The following KIAA1217 variants were observed in gnomAD, a reference collection of about 807,000 sequenced individuals.
KIAA1217 encodes KIAA1217.
KIAA1217 carries 88 observed loss-of-function variants against 163.9 expected under a neutral mutation model. That is an observed-to-expected ratio of 0.54 (90% CI 0.45 to 0.64). The LOEUF (loss-of-function observed/expected upper bound fraction) is 0.64, where lower values mean the gene tolerates loss of function less well. KIAA1217 is among the 30% of genes least tolerant of loss of function. The pLI is 0.00. For missense variants in KIAA1217, 2,372 were observed against 2,475.0 expected (o/e 0.96, Z 0.88); for synonymous variants, 903 against 923.1 (o/e 0.98, Z 0.39).
At chr10:24,336,973 G>T in intron 2 of KIAA1217, among the ~76,000 whole-genome samples, 1 of 152,114 alleles carries the variant, frequency 6.6e-6, no homozygotes, top group East Asian at 1.9e-4. Flanking sequence ...AGAAAATGCA[G>T]GGCAAAAGTT....
intron 1 of KIAA1217, among the ~76,000 whole-genome samples, chr10:23,954,704 C>T (rs1181626010): frequency 1.3e-5 from 2 of 152,064 alleles, no homozygotes; most frequent in African/African-American, 2.4e-5. Flanking sequence ...AGATTATCTG[C>T]TCTATGCTGG....
intron 1 of KIAA1217, among the ~76,000 whole-genome samples, chr10:23,728,507 G>T (rs562201124): frequency 1.9e-4 from 27 of 145,844 alleles, no homozygotes; most frequent in South Asian, 6.5e-4. Context: ...CTTTTTGATG[G>T]TTTTTTTTTT....
intron 2 of KIAA1217, among the ~76,000 whole-genome samples, chr10:24,256,022 C>A (rs2075111879): frequency 7.3e-6 from 1 of 136,824 alleles, no homozygotes; most frequent in Admixed American, 8.2e-5. Flanking sequence ...CCGAGTGCTG[C>A]CGATTAACTC....
chr10:24,219,967 A>C, intron 2 of KIAA1217, 58 bp downstream of exon 2: 1 of 1,482,516 alleles, frequency 6.7e-7, no homozygotes, highest in Non-Finnish European at 9.1e-7. Context: ...ACATCGAGGA[A>C]AGCAAACTTA....
intron 1 of KIAA1217, among the ~76,000 whole-genome samples, chr10:23,740,447 C>T (rs975356816): frequency 5.3e-5 from 8 of 152,144 alleles, no homozygotes; most frequent in African/African-American, 1.9e-4. Context: ...CAGCCTCAAG[C>T]TCCCGGGCTT....
intron 5 of KIAA1217, among the ~76,000 whole-genome samples, chr10:24,469,422 G>C (rs1592190872): frequency 6.6e-6 from 1 of 152,044 alleles, no homozygotes; most frequent in East Asian, 1.9e-4. Context: ...ACTGCACCGA[G>C]ACCCTAGAAT....
At position 24,279,635 on chromosome 10, in the gene KIAA1217, A is replaced by C. The variant is rs543388564; in HGVS notation, c.354+59726A>C. 3.0e-4 allele frequency among the ~76,000 whole-genome samples: 46 copies of C among 152,318 alleles called. No homozygotes were observed. In the Middle Eastern group the frequency reaches 0.01, roughly 34 times the overall value. On this transcript the variant is annotated intron_variant, in intron 2 of 20. Transcript: ENST00000376454. ...TATTAAATATTTTATTTCAATCAAA[A>C]AGTGTAATGAAATTAGAGCTTCTCA... is the stretch of plus-strand genomic sequence containing the variant.
At chr10:23,814,459 A>G (rs962705175) in intron 1 of KIAA1217, among the ~76,000 whole-genome samples, 1 of 152,178 alleles carries the variant, frequency 6.6e-6, no homozygotes, top group African/African-American at 2.4e-5. Flanking sequence ...TAGCTTCTCA[A>G]TATATGTTAG....
intron 2 of KIAA1217, among the ~76,000 whole-genome samples, chr10:24,241,950 C>T (rs183333128): frequency 1.6e-3 from 242 of 152,136 alleles, no homozygotes; most frequent in Admixed American, 3.1e-3. Flanking sequence ...GGGATTTTGG[C>T]ATCTGAGCTG....
intron 2 of KIAA1217, among the ~76,000 whole-genome samples, chr10:24,224,544 T>A (rs2070182022): frequency 6.6e-6 from 1 of 151,878 alleles, no homozygotes; most frequent in Admixed American, 6.6e-5. Context: ...ATGGGGCTAG[T>A]CTGGAACTCA....
At chr10:24,276,151 GCT>G (rs2077262222) in intron 2 of KIAA1217, among the ~76,000 whole-genome samples, 1 of 152,150 alleles carries the variant, frequency 6.6e-6, no homozygotes, top group Non-Finnish European at 1.5e-5. Context: ...ATTGGAATCT[GCT>G]GTTTCATTTC....
intron 3 of KIAA1217, among the ~76,000 whole-genome samples, chr10:24,428,109 G>T (rs2059314164): frequency 6.6e-6 from 1 of 152,156 alleles, no homozygotes; most frequent in Admixed American, 6.5e-5. Flanking sequence ...TGTACAGAAT[G>T]CAGATGTGGG....
At chr10:24,512,789 C>T (rs1230634300) in intron 9 of KIAA1217, among the ~76,000 whole-genome samples, 1 of 152,150 alleles carries the variant, frequency 6.6e-6, no homozygotes, top group African/African-American at 2.4e-5. Flanking sequence ...TGCGGTATTT[C>T]ATGTAACCCT....
At chr10:24,383,320 A>G (rs1021701267) in intron 3 of KIAA1217, among the ~76,000 whole-genome samples, 11 of 152,040 alleles carry the variant, frequency 7.2e-5, no homozygotes, top group African/African-American at 2.2e-4. Context: ...ACCTGGGGGA[A>G]CTTTGACTCT....
chr10:24,258,075 G>A (rs940510633), intron 2 of KIAA1217, among the ~76,000 whole-genome samples: 1 of 152,076 alleles, frequency 6.6e-6, no homozygotes, highest in East Asian at 1.9e-4. Context: ...CAGCTACTTG[G>A]GAGGCTGAGG....
In KIAA1217 at chr10:24,274,503, C is replaced by T. The variant is rs367812179; in HGVS notation, c.354+54594C>T. On this transcript the variant is annotated intron_variant, in intron 2 of 20. Transcript: ENST00000376454. ...GCTACATCTAAATATACTTTGTTGT[C>T]TTCCTACAAGTCCTATTTTACATAC... Among the ~76,000 whole-genome samples the T allele has an allele frequency of 1.3e-4, 20 of 152,332 alleles. 1 individual carries two copies. Among genetic ancestry groups the T allele is most frequent in the Admixed American group, 1.1e-3 (17 of 15,296 alleles).
chr10:23,842,522 C>T (rs1040850186), intron 1 of KIAA1217, among the ~76,000 whole-genome samples: 30 of 152,080 alleles, frequency 2.0e-4, no homozygotes, highest in African/African-American at 7.2e-4. Flanking sequence ...TCATCACAAA[C>T]TTAAGAGGCT....
intron 17 of KIAA1217, among the ~76,000 whole-genome samples, chr10:24,540,350 C>T (rs1221774406): frequency 2.6e-5 from 4 of 152,204 alleles, no homozygotes; most frequent in South Asian, 2.1e-4. Flanking sequence ...TCTCCTACCT[C>T]GGCCTCCTGA....
chr10:24,039,654 A>G (rs2131553905), intron 2 of KIAA1217, among the ~76,000 whole-genome samples: 1 of 152,206 alleles, frequency 6.6e-6, no homozygotes, highest in South Asian at 2.1e-4. Context: ...CCTATTTTCA[A>G]CTTTCAGTGG....
Sources: allele counts gnomAD v4.1 joint callset (sites outside exome capture counted in the v4.1 genomes callset), GRCh38; gene constraint gnomAD v4.1.1; transcripts MANE v1.5; gene names NCBI Gene and HGNC (gene_info 2026-07-23, HGNC 2026-07-21).